KDM4C: variants seen among roughly 807,000 people sequenced by gnomAD.
KDM4C encodes the protein lysine-specific demethylase 4C.
Under a neutral mutation model 129.3 loss-of-function variants are expected in KDM4C, and 81 were observed. The observed-to-expected ratio is 0.63, with a 90% CI of 0.52 to 0.75. The LOEUF (loss-of-function observed/expected upper bound fraction) is 0.75. Ranked by LOEUF, KDM4C falls within the 30% of genes least tolerant of loss-of-function variation. The probability of loss-of-function intolerance (pLI) is 0.00; values close to 1 mark genes in which losing one functional copy is unlikely to be tolerated. For missense variants in KDM4C, 1,457 were observed against 1,304.0 expected, an observed-to-expected ratio of 1.12 and a Z score of -1.81; for synonymous variants, 573 against 456.1, an observed-to-expected ratio of 1.26 and a Z score of -3.26.
chr9:6,767,812 C>T (rs1022464850), intron 1 of KDM4C, among the ~76,000 whole-genome samples: 1 of 152,054 alleles, frequency 6.6e-6, no homozygotes, highest in African/African-American at 2.4e-5. Flanking sequence ...AATTTGGGCA[C>T]ATAAAGTGAT....
chr9:6,988,741 C>T (rs1450734503), intron 11 of KDM4C, among the ~76,000 whole-genome samples: 3 of 152,078 alleles, frequency 2.0e-5, no homozygotes, highest in Admixed American at 1.3e-4. Context: ...CTGGAACACA[C>T]CGAGTATGTT....
chr9:6,820,710 CTCTCTTTTT>C (rs1423782313), intron 4 of KDM4C, among the ~76,000 whole-genome samples: 27 of 106,820 alleles, frequency 2.5e-4, no homozygotes, highest in Non-Finnish European at 4.2e-4. Context: ...CTCTCTCTCT[CTCTCTTTTT>C]TTTTTTTTTT....
intron 17 of KDM4C, among the ~76,000 whole-genome samples, chr9:7,070,549 C>T (rs562825213): frequency 2.0e-5 from 3 of 152,168 alleles, no homozygotes; most frequent in African/African-American, 7.2e-5. Flanking sequence ...GAACATAAGG[C>T]TTATTTAACT....
intron 19 of KDM4C, among the ~76,000 whole-genome samples, chr9:7,161,317 T>G (rs1843762228): frequency 6.6e-6 from 1 of 152,156 alleles, no homozygotes; most frequent in Non-Finnish European, 1.5e-5. Flanking sequence ...CTGCTTCAGC[T>G]TGCCCTCTGT....
intron 4 of KDM4C, among the ~76,000 whole-genome samples, chr9:6,847,334 A>C (rs113243148): frequency 0.024 from 3,601 of 152,288 alleles, 140 homozygotes; most frequent in African/African-American, 0.078. Flanking sequence ...GAATGAGATA[A>C]AATATTTTAC....
At chr9:6,726,240 A>G (rs34409304) in intron 1 of KDM4C, among the ~76,000 whole-genome samples, 13,202 of 152,166 alleles carry the variant, frequency 0.087, 748 homozygotes, top group Non-Finnish European at 0.12. Context: ...TCTTTTTAAA[A>G]CTGGTCAGCC....
intron 8 of KDM4C, among the ~76,000 whole-genome samples, chr9:6,954,374 C>T (rs756848027): frequency 2.0e-5 from 3 of 152,040 alleles, no homozygotes; most frequent in Admixed American, 6.5e-5. Flanking sequence ...TCTGTATTTT[C>T]GTAGAACTCT....
Position 6,805,640 on chromosome 9 carries a change from T to A in KDM4C, c.186T>A (p.Asp62Glu). The A allele has an allele frequency of 6.2e-7, 1 of 1,614,034 alleles. No homozygotes were observed. Among genetic ancestry groups the A allele is most frequent in the East Asian group, 2.2e-5 (1 of 44,880 alleles). ...PKEWKPRQCY[D>E]DIDNLLIPAP... ...AGTGGAAGCCAAGACAGTGCTATGA[T>A]GACATTGATAATTTGCTCATTCCAG... is the stretch of plus-strand genomic sequence containing the variant. Residue 62 changes from aspartate to glutamate, a missense_variant, in exon 3 of 22, where the codon GAT becomes GAA. Physicochemically the swap from Asp to Glu is conservative, Grantham distance 45. Transcript: ENST00000381309.
chr9:6,749,001 C>A (rs747678845), intron 1 of KDM4C: 1 of 770,352 alleles, frequency 1.3e-6, no homozygotes, highest in Non-Finnish European at 2.4e-6. Flanking sequence ...TCACAAAGAG[C>A]ACACTTGCAA....
At chr9:7,008,664 G>T (rs1586876702) in intron 12 of KDM4C, among the ~76,000 whole-genome samples, 1 of 152,218 alleles carries the variant, frequency 6.6e-6, no homozygotes, top group African/African-American at 2.4e-5. Flanking sequence ...TGGAATGTTG[G>T]TGCCAAGCTG....
chr9:6,947,470 C>T lies in KDM4C; in HGVS notation c.922-33455C>T, dbSNP rs372078250. Among the ~76,000 whole-genome samples the T allele has an allele frequency of 9.2e-5, 14 of 152,002 alleles. No individual in the cohort carries two copies. The East Asian group carries it at 2.5e-3, about 27-fold the overall frequency. On this transcript the variant is annotated intron_variant, in intron 8 of 21. Coordinates refer to ENST00000381309, the MANE Select transcript of KDM4C (RefSeq NM_015061.6). The stretch of plus-strand genomic sequence containing the variant: ...AAGGTTAATCATAACTACCAGTCTT[C>T]TTTCTTATTGTCTTTATTCAGCATT...
chr9:6,750,894 G>C (rs1047083748), intron 1 of KDM4C, among the ~76,000 whole-genome samples: 2 of 152,192 alleles, frequency 1.3e-5, no homozygotes, highest in Admixed American at 6.5e-5. Context: ...CATTCAGTAG[G>C]AGGTGGTTGG....
chr9:6,968,252 A>G (rs1196259887), intron 8 of KDM4C, among the ~76,000 whole-genome samples: 2 of 152,176 alleles, frequency 1.3e-5, no homozygotes, highest in Non-Finnish European at 2.9e-5. Context: ...GAAGTGGGAG[A>G]TTCACTTGAG....
intron 5 of KDM4C, among the ~76,000 whole-genome samples, chr9:6,851,222 T>C (rs1838787451): frequency 6.6e-6 from 1 of 152,170 alleles, no homozygotes. Context: ...CAAGTGATCC[T>C]GCTGCCTCAA....
intron 19 of KDM4C, 81 bp from the exon 20 acceptor site, chr9:7,165,157 C>T: frequency 3.3e-6 from 5 of 1,514,598 alleles, no homozygotes; most frequent in Non-Finnish European, 4.5e-6. Flanking sequence ...TTTTAATTGC[C>T]AGGAGTTCAT....
At chr9:6,953,539 A>G (rs1481231835) in intron 8 of KDM4C, among the ~76,000 whole-genome samples, 1 of 152,234 alleles carries the variant, frequency 6.6e-6, no homozygotes. Context: ...AGAATATGAA[A>G]TATAAAATTG....
chr9:6,738,465 ACT>A (rs1442386077), intron 1 of KDM4C, among the ~76,000 whole-genome samples: 2 of 151,996 alleles, frequency 1.3e-5, no homozygotes, highest in African/African-American at 4.8e-5. Flanking sequence ...ACAGGTCCTC[ACT>A]CTGTCCCCCA....
chr9:7,085,579 C>G (rs563135199), intron 17 of KDM4C, among the ~76,000 whole-genome samples: 1 of 152,274 alleles, frequency 6.6e-6, no homozygotes, highest in East Asian at 1.9e-4. Flanking sequence ...AGGATGGCAT[C>G]ATATTGAAAC....
intron 1 of KDM4C, among the ~76,000 whole-genome samples, chr9:6,744,534 AAAAG>A (rs1428223074): frequency 6.6e-6 from 1 of 152,158 alleles, no homozygotes; most frequent in Non-Finnish European, 1.5e-5. Flanking sequence ...AAAAAAAAGA[AAAAG>A]AAAAAACTAG....
Sources: allele counts gnomAD v4.1 joint callset (sites outside exome capture counted in the v4.1 genomes callset), GRCh38; gene constraint gnomAD v4.1.1; transcripts MANE v1.5; gene names NCBI Gene and HGNC (gene_info 2026-07-23, HGNC 2026-07-21).